The following ADAM12 variants were observed in gnomAD, a reference collection of about 807,000 sequenced individuals.
ADAM12 encodes the protein disintegrin and metalloproteinase domain-containing protein 12.
ADAM12 carries 70 observed loss-of-function variants against 106.4 expected under a neutral mutation model. That is an observed-to-expected ratio of 0.66 (90% CI 0.54 to 0.80). The LOEUF (loss-of-function observed/expected upper bound fraction) is 0.80, where lower values mean the gene tolerates loss of function less well. ADAM12 is among the 30% of genes least tolerant of loss of function. The pLI is 0.00. For missense variants in ADAM12, 1,010 were observed against 1,171.9 expected (o/e 0.86, Z 2.02); for synonymous variants, 420 against 433.5 (o/e 0.97, Z 0.39).
chr10:126,034,667 G>A (rs527446372), intron 21 of ADAM12, among the ~76,000 whole-genome samples: 2 of 152,206 alleles, frequency 1.3e-5, no homozygotes, highest in Non-Finnish European at 2.9e-5. Flanking sequence ...TACAAGAAAC[G>A]CTTTTCAAAT....
intron 3 of ADAM12, among the ~76,000 whole-genome samples, chr10:126,269,973 A>C (rs1310410933): frequency 1.3e-5 from 2 of 152,234 alleles, no homozygotes; most frequent in Non-Finnish European, 2.9e-5. Flanking sequence ...CAACGTCTAT[A>C]CAACTTCAAA....
rs111336343 is a variant in ADAM12, at chr10:126,235,189, A to G, written c.260+43726T>C. On this transcript the variant is annotated intron_variant, in intron 3 of 22. Coordinates refer to ENST00000448723, the MANE Select transcript of ADAM12 (RefSeq NM_001288973.2). The stretch of plus-strand genomic sequence containing the variant: ...GCCCAGGCACCTGCTGCTCTGTGGC[A>G]TCTGCCTCAGGTGACCCATCAGGAA... Among the ~76,000 whole-genome samples, 981 of 152,336 alleles carry G rather than the reference A, an allele frequency of 6.4e-3. 12 individuals carry two copies. The highest frequency in any genetic ancestry group is 0.022 in the African/African-American group (904 of 41,582).
intron 2 of ADAM12, among the ~76,000 whole-genome samples, chr10:126,327,318 C>T (rs538221878): frequency 3.3e-5 from 5 of 152,198 alleles, no homozygotes; most frequent in African/African-American, 7.2e-5. Flanking sequence ...GAAATCTGTC[C>T]GGAAGAAAGC....
chr10:126,104,670 A>G (rs1397233461), intron 8 of ADAM12, among the ~76,000 whole-genome samples: 2 of 151,922 alleles, frequency 1.3e-5, no homozygotes, highest in Non-Finnish European at 2.9e-5. Flanking sequence ...CCCGGGGAAA[A>G]TTCTCAGCGT....
chr10:126,321,852 G>C (rs774558204), intron 2 of ADAM12, among the ~76,000 whole-genome samples: 4 of 146,876 alleles, frequency 2.7e-5, no homozygotes, highest in Non-Finnish European at 6.0e-5. Flanking sequence ...TTTCAAATCT[G>C]ACAGGCCTTG....
At chr10:126,118,282 G>A in intron 5 of ADAM12, 58 bp from the exon 6 acceptor site, 2 of 1,258,712 alleles carry the variant, frequency 1.6e-6, no homozygotes, top group Non-Finnish European at 2.2e-6. Context: ...CTTGTTTATG[G>A]CCAAGACACA....
chr10:126,222,982 G>A (rs1224589471), intron 3 of ADAM12, among the ~76,000 whole-genome samples: 1 of 152,200 alleles, frequency 6.6e-6, no homozygotes, highest in Non-Finnish European at 1.5e-5. Flanking sequence ...TATGTCAGCT[G>A]ATTCATCATA....
At chr10:126,182,311 A>G (rs1005469358) in intron 3 of ADAM12, among the ~76,000 whole-genome samples, 4 of 152,218 alleles carry the variant, frequency 2.6e-5, no homozygotes, top group Non-Finnish European at 5.9e-5. Flanking sequence ...AGACATAAAG[A>G]CATCTAATAA....
intron 3 of ADAM12, among the ~76,000 whole-genome samples, chr10:126,251,906 G>C (rs201204150): frequency 1.2e-4 from 1 of 8,598 alleles, no homozygotes; most frequent in South Asian, 3.1e-3. Flanking sequence ...GGGATGGATA[G>C]GATGGATGGA....
At chr10:126,369,646 A>G (rs1856042295) in intron 1 of ADAM12, among the ~76,000 whole-genome samples, 1 of 152,152 alleles carries the variant, frequency 6.6e-6, no homozygotes, top group Non-Finnish European at 1.5e-5. Flanking sequence ...CACCTTACCA[A>G]TCAGATGCTG....
At chr10:126,323,738 A>G (rs1465144977) in intron 2 of ADAM12, among the ~76,000 whole-genome samples, 3 of 152,164 alleles carry the variant, frequency 2.0e-5, no homozygotes, top group Non-Finnish European at 4.4e-5. Context: ...TGAATCCCAA[A>G]GTCATGCATG....
At chr10:126,116,248 A>T (rs1955980155) in intron 6 of ADAM12, among the ~76,000 whole-genome samples, 1 of 152,246 alleles carries the variant, frequency 6.6e-6, no homozygotes, top group Non-Finnish European at 1.5e-5. Flanking sequence ...ATCAAATTAT[A>T]AATCTTGTAA....
intron 1 of ADAM12, among the ~76,000 whole-genome samples, chr10:126,361,504 C>A (rs1012947731): frequency 6.6e-6 from 1 of 152,140 alleles, no homozygotes; most frequent in Non-Finnish European, 1.5e-5. Flanking sequence ...AAGAACAAAG[C>A]TGAAGGCATC....
At chr10:126,027,415 T>A (rs557682630) in intron 21 of ADAM12, among the ~76,000 whole-genome samples, 1 of 150,320 alleles carries the variant, frequency 6.7e-6, no homozygotes, top group African/African-American at 2.4e-5. Flanking sequence ...CTGGGAGAGA[T>A]AAAAAAAAAC....
At chr10:126,189,624 T>G (rs11244877) in intron 3 of ADAM12, among the ~76,000 whole-genome samples, 5,014 of 152,264 alleles carry the variant, frequency 0.033, 305 homozygotes, top group East Asian at 0.23. Flanking sequence ...ACTGTTGTGA[T>G]TCCCACTTTA....
chr10:126,032,253 T>C (rs2133391508), intron 21 of ADAM12, among the ~76,000 whole-genome samples: 1 of 152,296 alleles, frequency 6.6e-6, no homozygotes, highest in East Asian at 1.9e-4. Context: ...AAAATGTCAG[T>C]GGATTCAATT....
At chr10:126,050,602 G>T (rs1196571563) in intron 14 of ADAM12, among the ~76,000 whole-genome samples, 1 of 152,160 alleles carries the variant, frequency 6.6e-6, no homozygotes, top group East Asian at 1.9e-4. Context: ...GCCCTTCTCT[G>T]CTCTCCACCC....
chr10:126,176,106 C>T (rs1957215603), intron 3 of ADAM12, among the ~76,000 whole-genome samples: 4 of 152,160 alleles, frequency 2.6e-5, no homozygotes. Flanking sequence ...GGTCAGAGAA[C>T]CAGGAGGCTA....
chr10:126,251,693 GGGATGGATGGATA>G (rs1304786563), intron 3 of ADAM12, among the ~76,000 whole-genome samples: 12 of 150,796 alleles, frequency 8.0e-5, no homozygotes, highest in Non-Finnish European at 1.3e-4. Context: ...GAGGATGGAT[GGGATGGATGGATA>G]GGATGGATGG....
Sources: allele counts gnomAD v4.1 joint callset (sites outside exome capture counted in the v4.1 genomes callset), GRCh38; gene constraint gnomAD v4.1.1; transcripts MANE v1.5; gene names NCBI Gene and HGNC (gene_info 2026-07-23, HGNC 2026-07-21).